Variants in TLN2 observed in about 807,000 individuals in gnomAD.
TLN2 encodes talin 2.
In TLN2, 118 loss-of-function variants were observed where a neutral mutation model predicts 294.7. The observed-to-expected ratio is 0.40, with a 90% CI of 0.34 to 0.47. The LOEUF (loss-of-function observed/expected upper bound fraction) is 0.47, where lower values mean the gene tolerates loss of function less well. Among genes scored for constraint, TLN2 ranks in the 20% least tolerant of loss-of-function variants. The probability of loss-of-function intolerance (pLI) is 0.84; values close to 1 mark genes in which losing one functional copy is unlikely to be tolerated. For synonymous variants in TLN2, 1,431 were observed against 1,304.5 expected (o/e 1.10, Z -2.09); for missense variants, 3,083 against 3,282.2 (o/e 0.94, Z 1.48).
chr15:62,446,789 G>C (rs1227350406), intron 1 of TLN2, among the ~76,000 whole-genome samples: 1 of 152,144 alleles, frequency 6.6e-6, no homozygotes, highest in Non-Finnish European at 1.5e-5. Context: ...GGTATTCAAA[G>C]ACATGTAAGT....
chr15:62,473,818 G>C (rs1040577079), intron 1 of TLN2, among the ~76,000 whole-genome samples: 4 of 152,240 alleles, frequency 2.6e-5, no homozygotes, highest in Non-Finnish European at 5.9e-5. Context: ...ACAGGGCCGG[G>C]CATGGTGGCT....
chr15:62,638,898 T>C lies in TLN2; in HGVS notation c.-36-8377T>C, dbSNP rs189856103. On this transcript the variant is annotated intron_variant, in intron 3 of 58. Coordinates refer to ENST00000636159, the MANE Select transcript of TLN2 (RefSeq NM_015059.3). The stretch of plus-strand genomic sequence containing the variant: ...TTTGCCCAGATGGAGAACTTCATCT[T>C]GTTAGCCATGAAGTTCAGCATCTGT... Among the ~76,000 whole-genome samples, 478 of 152,302 alleles carry C rather than the reference T, an allele frequency of 3.1e-3. 1 individual carries two copies. Among genetic ancestry groups the C allele is most frequent in the Admixed American group, 7.5e-3 (115 of 15,292 alleles).
intron 32 of TLN2, among the ~76,000 whole-genome samples, chr15:62,742,870 TC>T (rs1296892608): frequency 2.6e-5 from 4 of 152,102 alleles, no homozygotes; most frequent in African/African-American, 9.7e-5. Context: ...GTCAAGAGGG[TC>T]AGGCAGGCTC....
intron 1 of TLN2, among the ~76,000 whole-genome samples, chr15:62,535,485 C>T (rs1432758118): frequency 6.6e-6 from 1 of 151,844 alleles, no homozygotes; most frequent in Non-Finnish European, 1.5e-5. Context: ...CACACACACA[C>T]ACACACCCCT....
At chr15:62,497,146 G>A (rs1045976900) in intron 1 of TLN2, among the ~76,000 whole-genome samples, 1 of 152,184 alleles carries the variant, frequency 6.6e-6, no homozygotes, top group Non-Finnish European at 1.5e-5. Flanking sequence ...CATCCCCTGT[G>A]TCTAAGAGGG....
chr15:62,767,588 C>T (rs1392832956), intron 41 of TLN2, among the ~76,000 whole-genome samples: 1 of 152,176 alleles, frequency 6.6e-6, no homozygotes, highest in Non-Finnish European at 1.5e-5. Context: ...ACCCACCTGC[C>T]TCGGCCTCCC....
At chr15:62,772,915 C>T (rs1371895128) in intron 42 of TLN2, among the ~76,000 whole-genome samples, 2 of 152,128 alleles carry the variant, frequency 1.3e-5, no homozygotes, top group Non-Finnish European at 2.9e-5. Flanking sequence ...CCATCCTCCT[C>T]AGCCTCCCAA....
chr15:62,839,921 C>CTT (rs2070409123), intron 58 of TLN2, among the ~76,000 whole-genome samples: 1 of 152,204 alleles, frequency 6.6e-6, no homozygotes, highest in Non-Finnish European at 1.5e-5. Context: ...AAGGAACTGA[C>CTT]TTTGCTTTTT....
chr15:62,482,498 AG>A (rs113322828), intron 1 of TLN2, among the ~76,000 whole-genome samples: 1,692 of 143,884 alleles, frequency 0.012, 28 homozygotes, highest in African/African-American at 0.041. Context: ...GCTACTCAGG[AG>A]GGGGGAGGCA....
intron 2 of TLN2, among the ~76,000 whole-genome samples, chr15:62,611,217 A>G (rs2047887986): frequency 2.6e-5 from 4 of 151,888 alleles, no homozygotes; most frequent in Admixed American, 2.6e-4. Context: ...TGTCATCAAA[A>G]TTAAGAAAAA....
intron 45 of TLN2, among the ~76,000 whole-genome samples, chr15:62,791,511 T>C (rs1224238053): frequency 6.6e-6 from 1 of 152,124 alleles, no homozygotes; most frequent in Non-Finnish European, 1.5e-5. Flanking sequence ...TTCAATAATA[T>C]GAGAAATAAC....
At chr15:62,791,841 A>G (rs565168865) in intron 45 of TLN2, among the ~76,000 whole-genome samples, 4 of 152,340 alleles carry the variant, frequency 2.6e-5, no homozygotes, top group Admixed American at 6.5e-5. Flanking sequence ...ACAGGGCCGG[A>G]GGAATGCAAA....
chr15:62,674,988 G>A (rs2055994255), intron 10 of TLN2, among the ~76,000 whole-genome samples: 1 of 152,228 alleles, frequency 6.6e-6, no homozygotes, highest in East Asian at 1.9e-4. Flanking sequence ...GTGAAGTAAT[G>A]TAGGCTGTTT....
intron 2 of TLN2, among the ~76,000 whole-genome samples, chr15:62,611,987 G>T (rs2047956399): frequency 6.6e-6 from 1 of 152,174 alleles, no homozygotes; most frequent in Non-Finnish European, 1.5e-5. Context: ...GAGTGTATGT[G>T]TCATGATTTT....
chr15:62,722,205 G>GT (rs1250566276), intron 25 of TLN2, 148 bp from the exon 26 acceptor site: 1 of 903,904 alleles, frequency 1.1e-6, no homozygotes, highest in Non-Finnish European at 1.6e-6. Context: ...TGAGGTGGCA[G>GT]TTTGGGAATA....
chr15:62,832,301 A>G (rs1340365386), intron 54 of TLN2: 2 of 152,194 alleles, frequency 1.3e-5, no homozygotes, highest in Non-Finnish European at 2.9e-5. Flanking sequence ...TACCACACAT[A>G]CAGAGAAAAG....
In TLN2 at chr15:62,478,920, C is replaced by T. The variant is rs542856825; in HGVS notation, c.-238+88235C>T. On this transcript the variant is annotated intron_variant, in intron 1 of 58. Transcript: ENST00000636159. ...CACCAAATGCAGAATTAAGTTGAAC[C>T]TACTTAGCCCGGCTTCCATGGCCAG... Among the ~76,000 whole-genome samples the T allele has an allele frequency of 2.0e-5, 3 of 152,332 alleles. No individual in the cohort carries two copies. The South Asian group carries it at 6.2e-4, about 32-fold the overall frequency.
chr15:62,424,081 A>G lies in TLN2; in HGVS notation c.-238+33396A>G, dbSNP rs142531513. Among the ~76,000 whole-genome samples, 8 of 152,332 alleles carry G rather than the reference A, an allele frequency of 5.3e-5. No homozygotes were observed. In the East Asian group the frequency reaches 7.7e-4, roughly 15 times the overall value. On this transcript the variant is annotated intron_variant, in intron 1 of 58. Transcript: ENST00000636159. ...ACATGGACTTGCTGTGAAGCATCGC[A>G]TAAGTTCCTAACTGTCCATGCCTCG...
intron 14 of TLN2, 108 bp from the exon 15 acceptor site, chr15:62,697,580 T>A: frequency 8.0e-7 from 1 of 1,244,188 alleles, no homozygotes; most frequent in Non-Finnish European, 1.1e-6. Context: ...CTCTTTTAGT[T>A]GGCCTTCACA....
Sources: gnomAD v4.1 joint callset for allele counts (sites outside exome capture counted in the v4.1 genomes callset) on GRCh38, gnomAD v4.1.1 for gene constraint, MANE v1.5 for transcripts, NCBI Gene and HGNC (gene_info 2026-07-23, HGNC 2026-07-21) for gene names.